The following KIF1B variants were observed in gnomAD, a reference collection of about 807,000 sequenced individuals.
KIF1B encodes kinesin-like protein KIF1B.
In KIF1B, 76 loss-of-function variants were observed where a neutral mutation model predicts 241.9. The ratio of observed to expected loss-of-function variants is 0.31; its 90% CI spans 0.26 to 0.38. The LOEUF is 0.38. Ranked by LOEUF, KIF1B falls within the 10% of genes least tolerant of loss-of-function variation. The probability of loss-of-function intolerance (pLI) is 1.00; values close to 1 mark genes in which losing one functional copy is unlikely to be tolerated. For synonymous variants in KIF1B, 750 were observed against 796.7 expected (o/e 0.94, Z 0.99); for missense variants, 1,622 against 2,271.4 (o/e 0.71, Z 5.81).
chr1:10,234,550 C>T (rs1258091623), intron 2 of KIF1B, among the ~76,000 whole-genome samples: 1 of 150,886 alleles, frequency 6.6e-6, no homozygotes, highest in Non-Finnish European at 1.5e-5. Flanking sequence ...GAGACAGGGT[C>T]TCTCTCTGTC....
chr1:10,215,172 A>ATATATT (rs1377684765), intron 1 of KIF1B, among the ~76,000 whole-genome samples: 18 of 45,358 alleles, frequency 4.0e-4, no homozygotes, highest in South Asian at 1.9e-3. Context: ...ATATATATAT[A>ATATATT]TTTTTTTTTT....
intron 2 of KIF1B, among the ~76,000 whole-genome samples, chr1:10,245,847 T>A (rs1416631460): frequency 6.6e-6 from 1 of 152,202 alleles, no homozygotes; most frequent in Non-Finnish European, 1.5e-5. Context: ...ACTGACTACT[T>A]CAAACAGTTC....
At chr1:10,258,441 T>C in intron 3 of KIF1B, 52 bp from the exon 4 acceptor site, 1 of 1,553,186 alleles carries the variant, frequency 6.4e-7, no homozygotes, top group Non-Finnish European at 8.9e-7. Context: ...CAAGTAAGTA[T>C]AGGAAGAAAT....
rs115172954 is a variant in KIF1B, at chr1:10,379,285, G to A, written c.*2698G>A. ...TTTGGAAAGTCTTTGCTTTGGAAGC[G>A]TCAGACATTAGAACAGGCCAAACTG... On this transcript the variant is annotated 3_prime_UTR_variant, in exon 49 of 49. Coordinates refer to ENST00000676179, the MANE Select transcript of KIF1B (RefSeq NM_001365951.3). 2,889 of 230,984 alleles carry A rather than the reference G, an allele frequency of 0.013. 86 individuals carry two copies. Among genetic ancestry groups the A allele is most frequent in the African/African-American group, 0.059 (2,686 of 45,308 alleles). 14.3% of individuals were successfully genotyped at this position (230,984 alleles called of 1,614,324 possible). A position where few individuals can be genotyped will look rare whatever the true frequency, so the allele number is the denominator to read the frequency against.
intron 23 of KIF1B, 39 bp from the exon 24 acceptor site, chr1:10,321,670 G>T: frequency 1.2e-6 from 2 of 1,608,014 alleles, no homozygotes; most frequent in African/African-American, 2.7e-5. Context: ...TTATATAGTT[G>T]TAAGATTGCC....
chr1:10,225,651 A>G (rs6541085), intron 1 of KIF1B, among the ~76,000 whole-genome samples: 80,148 of 151,964 alleles, frequency 0.53, 21,758 homozygotes, highest in African/African-American at 0.66. Flanking sequence ...AGAACAAGAC[A>G]AAGGACACAG....
chr1:10,220,637 G>A (rs1032178070), intron 1 of KIF1B, among the ~76,000 whole-genome samples: 16 of 151,970 alleles, frequency 1.1e-4, no homozygotes, highest in African/African-American at 3.9e-4. Flanking sequence ...CAACCTGGGC[G>A]GTGAAAAAGT....
chr1:10,348,779 A>ATTT, intron 37 of KIF1B, 46 bp downstream of exon 37: 36 of 1,248,104 alleles, frequency 2.9e-5, no homozygotes, highest in South Asian at 3.8e-5. Flanking sequence ...ACTTACAGAG[A>ATTT]TTTTTTTTTT....
intron 27 of KIF1B, among the ~76,000 whole-genome samples, chr1:10,330,105 T>C (rs1001642318): frequency 6.6e-6 from 1 of 152,238 alleles, no homozygotes; most frequent in African/African-American, 2.4e-5. Flanking sequence ...CCTTTCCATA[T>C]TCCCCTCTCT....
At chr1:10,243,666 C>T (rs1480117494) in intron 2 of KIF1B, among the ~76,000 whole-genome samples, 4 of 152,200 alleles carry the variant, frequency 2.6e-5, no homozygotes, top group African/African-American at 9.7e-5. Context: ...GTTGGGCTGT[C>T]TCCAGAACCC....
chr1:10,329,574 A>G (rs1223113612), intron 27 of KIF1B, among the ~76,000 whole-genome samples: 2 of 152,114 alleles, frequency 1.3e-5, no homozygotes, highest in Admixed American at 6.5e-5. Flanking sequence ...CTCTACTAAG[A>G]ATACAAATAT....
At chr1:10,325,187 G>T (rs1368976885) in intron 26 of KIF1B, among the ~76,000 whole-genome samples, 1 of 152,166 alleles carries the variant, frequency 6.6e-6, no homozygotes, top group African/African-American at 2.4e-5. Context: ...AGAAGGAAAA[G>T]AAAACTTACG....
Position 10,376,806 on chromosome 1 carries a change from G to A in KIF1B, c.*219G>A. The A allele has an allele frequency of 3.6e-6, 2 of 549,716 alleles. No homozygotes were observed. The highest frequency in any genetic ancestry group is 3.9e-5 in the South Asian group (2 of 51,948). The allele number at this position is 549,716 out of a possible 1,614,324, so 34.1% of individuals were successfully genotyped here. A position where few individuals can be genotyped will look rare whatever the true frequency, so the allele number is the denominator to read the frequency against. ...GCTGAGAATCTCGTTAGTAGCATGT[G>A]GCCTAACAAAAGGAAAAAATGTTTT... On this transcript the variant is annotated 3_prime_UTR_variant, in exon 49 of 49. Coordinates refer to ENST00000676179, the MANE Select transcript of KIF1B (RefSeq NM_001365951.3).
intron 45 of KIF1B, among the ~76,000 whole-genome samples, chr1:10,371,794 G>A (rs72867433): frequency 0.036 from 5,429 of 152,158 alleles, 118 homozygotes; most frequent in Middle Eastern, 0.13. Context: ...ATACCCAGGC[G>A]TGGTGGTCTG....
intron 15 of KIF1B, among the ~76,000 whole-genome samples, chr1:10,290,791 T>C (rs12125535): frequency 3.3e-5 from 5 of 149,624 alleles, no homozygotes; most frequent in Admixed American, 2.0e-4. Flanking sequence ...AATCACTTGA[T>C]CCCCAGAGGT....
At position 10,375,362 on chromosome 1, in the gene KIF1B, T is replaced by G. The variant is rs1323282527; in HGVS notation, c.5397T>G (p.Ala1799=). 8 of 1,612,576 alleles carry G rather than the reference T, an allele frequency of 5.0e-6. No homozygotes were observed. Among genetic ancestry groups the G allele is most frequent in the Non-Finnish European group, 6.8e-6 (8 of 1,178,914 alleles). ...DWLYAFNPLL[A]GTIRSKLSRR... ...TGTATGCCTTCAACCCACTTCTAGCTGGCACAATACGGTAAGAAGTTTTGT... is the reference window on the plus strand; with the variant it reads ...TGTATGCCTTCAACCCACTTCTAGCGGGCACAATACGGTAAGAAGTTTTGT... The change falls in exon 48 of 49, where the codon GCT becomes GCG. Residue 1799 remains alanine (A), a synonymous_variant. Coordinates refer to ENST00000676179, the MANE Select transcript of KIF1B (RefSeq NM_001365951.3).
intron 2 of KIF1B, among the ~76,000 whole-genome samples, chr1:10,242,573 A>G (rs1231355637): frequency 1.3e-5 from 2 of 152,032 alleles, no homozygotes; most frequent in Non-Finnish European, 2.9e-5. Flanking sequence ...CTGGAGTGCA[A>G]TGGTGCAATC....
chr1:10,289,172 C>T (rs188372941), intron 15 of KIF1B, among the ~76,000 whole-genome samples: 99 of 152,234 alleles, frequency 6.5e-4, no homozygotes, highest in Non-Finnish European at 1.1e-3. Context: ...TTTTGTACTC[C>T]TTTTCCTTCC....
In KIF1B at chr1:10,374,819, T is replaced by G; in HGVS notation, c.5097-35T>G. On this transcript the variant is annotated intron_variant, in intron 46 of 48. Coordinates refer to ENST00000676179, the MANE Select transcript of KIF1B (RefSeq NM_001365951.3). This position sits in a 1 kb window ranked among gnomAD's most constrained non-coding sequence, Gnocchi z 4.3. ...CCTCAGCACGATTATTTTCTTTTTG[T>G]GAGAAACTAACTTTTGTCATATTGT... is the stretch of plus-strand genomic sequence containing the variant. 2.4e-5 allele frequency: 39 copies of G among 1,598,348 alleles called. No homozygotes were observed. Among genetic ancestry groups the G allele is most frequent in the South Asian group, 3.3e-5 (3 of 90,644 alleles).
Sources: gnomAD v4.1 joint callset for allele counts (sites outside exome capture counted in the v4.1 genomes callset) on GRCh38, gnomAD v4.1.1 for gene constraint, Gnocchi (gnomAD v3.1) non-coding constraint, MANE v1.5 for transcripts, NCBI Gene and HGNC (gene_info 2026-07-23, HGNC 2026-07-21) for gene names.